The following RYR2 variants were observed in gnomAD, a reference collection of about 807,000 sequenced individuals.
RYR2 encodes cardiac muscle ryanodine receptor-calcium release channel.
A neutral mutation model predicts 601.1 loss-of-function variants in RYR2; 227 were observed. The observed-to-expected ratio is 0.38, with a 90% confidence interval of 0.34 to 0.42. The LOEUF is 0.42. Ranked by LOEUF, RYR2 falls within the 10% of genes least tolerant of loss-of-function variation. RYR2 has a pLI of 1.00. For synonymous variants in RYR2, 2,223 were observed against 2,175.1 expected (o/e 1.02, Z -0.61); for missense variants, 4,646 against 6,156.5 (o/e 0.75, Z 8.21).
intron 1 of RYR2, among the ~76,000 whole-genome samples, chr1:237,268,788 T>C (rs1689333823): frequency 6.6e-6 from 1 of 150,652 alleles, no homozygotes; most frequent in Admixed American, 6.6e-5. Flanking sequence ...ATACAAAAAT[T>C]AGCTGGGTGT....
intron 32 of RYR2, 125 bp downstream of exon 32, chr1:237,591,978 G>T: frequency 1.3e-6 from 1 of 770,108 alleles, no homozygotes; most frequent in Non-Finnish European, 2.0e-6. Context: ...TTCTGTTTTT[G>T]GATATATTTT....
intron 1 of RYR2, among the ~76,000 whole-genome samples, chr1:237,108,498 C>T (rs560415511): frequency 9.8e-4 from 149 of 152,234 alleles, no homozygotes; most frequent in Non-Finnish European, 1.6e-3. Flanking sequence ...GGAGCAGCAA[C>T]AGAACCTTGC....
intron 32 of RYR2, 148 bp downstream of exon 32, chr1:237,592,001 T>C: frequency 1.5e-6 from 1 of 650,614 alleles, no homozygotes; most frequent in Non-Finnish European, 2.5e-6. Context: ...GGACTGAAAG[T>C]TTGAAAAAAG....
Position 237,784,692 on chromosome 1 carries a change from T to G in RYR2, c.12980T>G (p.Val4327Gly). ...GTCGAAGGTGCTAAAAAGATCAAAG[T>G]TGCAGAACTGTTAGCCAACATGCCA... The part of the protein sequence containing the change: ...SLVEGAKKIK[V>G]AELLANMPDP... The change falls in exon 90 of 105, where the codon GTT becomes GGT. Residue 4327 changes from valine (V) to glycine (G), a missense_variant. Val to Gly is a moderately radical substitution (Grantham distance 109). Around this residue, in one of 17 missense-constraint regions of RYR2, gnomAD observed 364 missense variants for 442.9 expected, o/e 0.82. Transcript: ENST00000366574. This position sits in a 1 kb window ranked among gnomAD's most constrained non-coding sequence, Gnocchi z 7.1. The G allele has an allele frequency of 6.2e-7, 1 of 1,610,354 alleles. No homozygotes were observed. The highest frequency in any genetic ancestry group is 2.2e-5 in the East Asian group (1 of 44,790).
At chr1:237,774,538 T>C (rs1694508262) in intron 87 of RYR2, among the ~76,000 whole-genome samples, 1 of 152,194 alleles carries the variant, frequency 6.6e-6, no homozygotes. Flanking sequence ...GCACTTTTTC[T>C]ATTTTTTGCC....
chr1:237,599,656 A>G (rs987633587), intron 34 of RYR2, among the ~76,000 whole-genome samples: 3 of 152,010 alleles, frequency 2.0e-5, no homozygotes, highest in African/African-American at 7.3e-5. Context: ...CCTCGTCTCT[A>G]CTAAAAATAC....
chr1:237,796,316 A>T (rs1659218715), intron 96 of RYR2, among the ~76,000 whole-genome samples: 1 of 152,172 alleles, frequency 6.6e-6, no homozygotes, highest in African/African-American at 2.4e-5. Context: ...ATCTGTAGTC[A>T]AATAAATAGG....
At chr1:237,751,851 A>G (rs1231178655) in intron 80 of RYR2, among the ~76,000 whole-genome samples, 1 of 152,212 alleles carries the variant, frequency 6.6e-6, no homozygotes, top group Non-Finnish European at 1.5e-5. Flanking sequence ...ATGATGAAAG[A>G]TCTGAACAAA....
At chr1:237,801,066 T>C (rs887849968) in intron 97 of RYR2, among the ~76,000 whole-genome samples, 4 of 152,192 alleles carry the variant, frequency 2.6e-5, no homozygotes, top group Admixed American at 2.6e-4. Context: ...ATTTAAAAGC[T>C]CTTTCATTTA....
intron 2 of RYR2, among the ~76,000 whole-genome samples, chr1:237,288,142 C>T (rs971630950): frequency 3.9e-5 from 6 of 152,210 alleles, no homozygotes; most frequent in African/African-American, 1.4e-4. Context: ...GGGTTGTCTG[C>T]ACAGAGTCCC....
chr1:237,627,957 A>G lies in RYR2; in HGVS notation c.6317A>G (p.Tyr2106Cys). The change falls in exon 41 of 105, where the codon TAC becomes TGC. Residue 2106 changes from tyrosine (Y) to cysteine (C), a missense_variant. Physicochemically the swap from Tyr to Cys is radical, Grantham distance 194. Coordinates refer to ENST00000366574, the MANE Select transcript of RYR2 (RefSeq NM_001035.3). ...GGLVRALPKT[Y>C]TINGVSVEDT... ...CTTGTTCGGGCCCTGCCAAAGACCT[A>G]CACGATAAATGGTGTGTCCGTGGAG... 1 of 1,613,918 alleles carries G rather than the reference A, an allele frequency of 6.2e-7. No homozygotes were observed. Among genetic ancestry groups the G allele is most frequent in the Non-Finnish European group, 8.5e-7 (1 of 1,179,874 alleles).
At position 237,756,109 on chromosome 1, in the gene RYR2, GAA is replaced by G. The variant is rs35560079; in HGVS notation, c.11146-171_11146-170del. Among the ~76,000 whole-genome samples the G allele has an allele frequency of 0.059, 8,897 of 151,336 alleles. 371 individuals carry two copies. The highest frequency in any genetic ancestry group is 0.12 in the African/African-American group (4,753 of 41,244). On this transcript the variant is annotated intron_variant, in intron 80 of 104. Coordinates refer to ENST00000366574, the MANE Select transcript of RYR2 (RefSeq NM_001035.3). ...ACATATCAAGAAAACTATAAAGGGGGAAAAAAAAACAATAGTTGAATATGTTA... is the reference window on the plus strand; with the variant it reads ...ACATATCAAGAAAACTATAAAGGGGGAAAAAAACAATAGTTGAATATGTTA...
chr1:237,804,212 C>T (rs1660339572), intron 98 of RYR2, among the ~76,000 whole-genome samples: 1 of 151,958 alleles, frequency 6.6e-6, no homozygotes, highest in African/African-American at 2.4e-5. Context: ...TGCCCTCAAG[C>T]CTCTCCAACA....
intron 44 of RYR2, among the ~76,000 whole-genome samples, chr1:237,635,981 G>T (rs1048618494): frequency 6.6e-6 from 1 of 151,644 alleles, no homozygotes. Flanking sequence ...TCACCCTCTT[G>T]ATCAGCTCTT....
chr1:237,818,305 T>A (rs1346875160), intron 100 of RYR2, among the ~76,000 whole-genome samples: 1 of 152,122 alleles, frequency 6.6e-6, no homozygotes, highest in Non-Finnish European at 1.5e-5. Context: ...GGGATCTTTT[T>A]AAAATAGCAT....
At chr1:237,594,947 A>G (rs1842088) in intron 33 of RYR2, among the ~76,000 whole-genome samples, 44,647 of 93,200 alleles carry the variant, frequency 0.48, 10,693 homozygotes, top group Admixed American at 0.59. Context: ...TTCTAGTTAA[A>G]TCTGTCTCTC....
At chr1:237,367,070 CTGTTT>C (rs1700256124) in intron 5 of RYR2, among the ~76,000 whole-genome samples, 1 of 151,022 alleles carries the variant, frequency 6.6e-6, no homozygotes, top group Admixed American at 6.6e-5. Flanking sequence ...AAAAAAGTGA[CTGTTT>C]TGTTTTGTTT....
intron 24 of RYR2, among the ~76,000 whole-genome samples, chr1:237,529,046 C>G (rs759080026): frequency 3.3e-5 from 5 of 152,156 alleles, no homozygotes; most frequent in Non-Finnish European, 5.9e-5. Context: ...AAGATACTAT[C>G]ATAATTGCCT....
intron 1 of RYR2, among the ~76,000 whole-genome samples, chr1:237,219,567 A>G (rs947499633): frequency 6.6e-6 from 1 of 152,126 alleles, no homozygotes; most frequent in Non-Finnish European, 1.5e-5. Flanking sequence ...AATAACCTCT[A>G]CAAATCAGGG....
Sources: gnomAD v4.1 joint callset for allele counts (sites outside exome capture counted in the v4.1 genomes callset) on GRCh38, gnomAD v4.1.1 for gene constraint, gnomAD v4.1.1 regional missense constraint, Gnocchi (gnomAD v3.1) non-coding constraint, MANE v1.5 for transcripts, NCBI Gene and HGNC (gene_info 2026-07-23, HGNC 2026-07-21) for gene names.